The following KDM4C variants were observed in gnomAD, a reference collection of about 807,000 sequenced individuals.
KDM4C encodes the protein lysine-specific demethylase 4C.
A neutral mutation model predicts 129.3 loss-of-function variants in KDM4C; 81 were observed. That is an observed-to-expected ratio of 0.63 (90% CI 0.52 to 0.75). The LOEUF is 0.75. Among genes scored for constraint, KDM4C ranks in the 30% least tolerant of loss-of-function variants. KDM4C has a pLI of 0.00. For synonymous variants in KDM4C, 573 were observed against 456.1 expected, an observed-to-expected ratio of 1.26 and a Z score of -3.26; for missense variants, 1,457 against 1,304.0, an observed-to-expected ratio of 1.12 and a Z score of -1.81.
At chr9:6,865,129 C>A (rs916003254) in intron 5 of KDM4C, among the ~76,000 whole-genome samples, 1 of 151,762 alleles carries the variant, frequency 6.6e-6, no homozygotes, top group Non-Finnish European at 1.5e-5. Context: ...CTGCTTCAGC[C>A]TCCCGAGTAG....
chr9:7,168,137 G>A (rs1413445414), intron 20 of KDM4C, among the ~76,000 whole-genome samples: 2 of 152,154 alleles, frequency 1.3e-5, no homozygotes, highest in Non-Finnish European at 2.9e-5. Context: ...GCAGTGAGCC[G>A]AGATCGCGCC....
intron 8 of KDM4C, among the ~76,000 whole-genome samples, chr9:6,903,274 GATT>G (rs1817713931): frequency 6.6e-6 from 1 of 152,124 alleles, no homozygotes; most frequent in Non-Finnish European, 1.5e-5. Context: ...CTGTTTTGTT[GATT>G]ATTGAAATAG....
intron 4 of KDM4C, among the ~76,000 whole-genome samples, chr9:6,829,146 A>G (rs2131298801): frequency 6.6e-6 from 1 of 152,374 alleles, no homozygotes; most frequent in South Asian, 2.1e-4. Context: ...GATAAACAAC[A>G]CACACTATAC....
At chr9:7,164,358 C>A (rs55678699) in intron 19 of KDM4C, among the ~76,000 whole-genome samples, 86,002 of 149,520 alleles carry the variant, frequency 0.58, 25,034 homozygotes, top group African/African-American at 0.61. Context: ...CTTAAAAAAA[C>A]AAAAAGCACC....
chr9:6,757,842 T>G (rs1459606501), upstream of KDM4C: 2 of 985,524 alleles, frequency 2.0e-6, no homozygotes, highest in East Asian at 2.3e-4. Flanking sequence ...CAAGCCTAAG[T>G]TAACCACAGC....
intron 8 of KDM4C, among the ~76,000 whole-genome samples, chr9:6,939,106 G>A (rs1825361261): frequency 6.6e-6 from 1 of 151,570 alleles, no homozygotes; most frequent in Non-Finnish European, 1.5e-5. Context: ...TTGTGGTTAG[G>A]TTCCAGTGGC....
At chr9:6,884,269 A>G (rs556040084) in intron 6 of KDM4C, among the ~76,000 whole-genome samples, 2 of 152,326 alleles carry the variant, frequency 1.3e-5, no homozygotes, top group East Asian at 3.9e-4. Flanking sequence ...CAAATGTAAT[A>G]TGTGCCTCTC....
chr9:6,760,789 G>C (rs1819313703), intron 1 of KDM4C, among the ~76,000 whole-genome samples: 1 of 151,282 alleles, frequency 6.6e-6, no homozygotes, highest in South Asian at 2.1e-4. Flanking sequence ...AGCCAGGATG[G>C]TCTCGATCTC....
chr9:6,938,169 G>T (rs1825171497), intron 8 of KDM4C, among the ~76,000 whole-genome samples: 1 of 152,022 alleles, frequency 6.6e-6, no homozygotes, highest in Admixed American at 6.5e-5. Flanking sequence ...GCCAATGTTT[G>T]CATGTTTGTG....
chr9:6,905,164 A>G (rs1818097303), intron 8 of KDM4C, among the ~76,000 whole-genome samples: 1 of 152,190 alleles, frequency 6.6e-6, no homozygotes, highest in Non-Finnish European at 1.5e-5. Flanking sequence ...AAGCTTTTCT[A>G]TTTTTGAGGA....
At position 6,763,848 on chromosome 9, in the gene KDM4C, C is replaced by T. The variant is rs1002265711; in HGVS notation, c.-18+5645C>T. Among the ~76,000 whole-genome samples the T allele has an allele frequency of 7.2e-5, 11 of 152,278 alleles. 1 individual carries two copies. The highest frequency in any genetic ancestry group is 1.4e-4 in the African/African-American group (6 of 41,560). ...TCTTGGCTCACCACAACCTCCGCCT[C>T]CCAGTTTCAAGCAATTCTCCTGCCT... On this transcript the variant is annotated intron_variant, in intron 1 of 21. Transcript: ENST00000381309.
intron 17 of KDM4C, among the ~76,000 whole-genome samples, chr9:7,077,880 C>T (rs1188346637): frequency 6.6e-6 from 1 of 152,190 alleles, no homozygotes; most frequent in African/African-American, 2.4e-5. Context: ...CACATGGTCA[C>T]CCTCTTACCT....
At chr9:7,109,309 C>G (rs989886731) in intron 18 of KDM4C, among the ~76,000 whole-genome samples, 1 of 152,130 alleles carries the variant, frequency 6.6e-6, no homozygotes, top group Non-Finnish European at 1.5e-5. Flanking sequence ...AGTTCTTAAA[C>G]CAAAATCAAG....
At chr9:6,832,024 T>A (rs1834915733) in intron 4 of KDM4C, among the ~76,000 whole-genome samples, 1 of 152,220 alleles carries the variant, frequency 6.6e-6, no homozygotes, top group African/African-American at 2.4e-5. Flanking sequence ...TGTGTTATAC[T>A]GTATTATATA....
In KDM4C at chr9:6,878,008, T is replaced by A. The variant is rs556387316; in HGVS notation, c.630-2004T>A. On this transcript the variant is annotated intron_variant, in intron 5 of 21. Transcript: ENST00000381309. ...GCATTGATAACAGAAGAGAGAAGCATGTAAAATATTTCACAGGGATAAGCA... is the reference window on the plus strand; with the variant it reads ...GCATTGATAACAGAAGAGAGAAGCAAGTAAAATATTTCACAGGGATAAGCA... Among the ~76,000 whole-genome samples the A allele has an allele frequency of 9.8e-5, 15 of 152,298 alleles. No individual in the cohort carries two copies. In the South Asian group the frequency reaches 3.1e-3, roughly 32 times the overall value.
At chr9:7,141,162 A>G (rs1471917412) in intron 19 of KDM4C, among the ~76,000 whole-genome samples, 2 of 152,202 alleles carry the variant, frequency 1.3e-5, no homozygotes, top group Non-Finnish European at 2.9e-5. Flanking sequence ...CTCTAGTGAA[A>G]AAGAATTGGA....
chr9:7,025,094 T>A (rs977492050), intron 15 of KDM4C, among the ~76,000 whole-genome samples: 2 of 152,248 alleles, frequency 1.3e-5, no homozygotes, highest in African/African-American at 4.8e-5. Flanking sequence ...TCAGTTGACC[T>A]CTTTATTATT....
At chr9:6,999,777 C>T (rs1820396435) in intron 12 of KDM4C, among the ~76,000 whole-genome samples, 2 of 152,034 alleles carry the variant, frequency 1.3e-5, no homozygotes, top group Non-Finnish European at 2.9e-5. Context: ...ATAGGTACAT[C>T]TCCCATTGAA....
intron 8 of KDM4C, among the ~76,000 whole-genome samples, chr9:6,965,131 G>A (rs989866516): frequency 1.3e-5 from 2 of 151,810 alleles, no homozygotes; most frequent in Non-Finnish European, 1.5e-5. Flanking sequence ...TTTCTTGCAT[G>A]TTATTTATTT....
Sources: allele counts gnomAD v4.1 joint callset (sites outside exome capture counted in the v4.1 genomes callset), GRCh38; gene constraint gnomAD v4.1.1; transcripts MANE v1.5; gene names NCBI Gene and HGNC (gene_info 2026-07-23, HGNC 2026-07-21).